CDK14: variants seen among roughly 807,000 people sequenced by gnomAD.
CDK14 encodes cyclin-dependent kinase 14.
CDK14 carries 34 observed loss-of-function variants against 60.7 expected under a neutral mutation model. The observed-to-expected ratio is 0.56, with a 90% confidence interval of 0.43 to 0.75. CDK14 has a LOEUF of 0.75. CDK14 is among the 30% of genes least tolerant of loss of function. The probability of loss-of-function intolerance (pLI) is 0.00; values close to 1 mark genes in which losing one functional copy is unlikely to be tolerated. For synonymous variants in CDK14, 197 were observed against 203.7 expected, an observed-to-expected ratio of 0.97 and a Z score of 0.28; for missense variants, 482 against 564.1, an observed-to-expected ratio of 0.85 and a Z score of 1.47.
chr7:91,145,931 T>C (rs1364751923), intron 14 of CDK14, among the ~76,000 whole-genome samples: 2 of 151,200 alleles, frequency 1.3e-5, no homozygotes, highest in Non-Finnish European at 2.9e-5. Context: ...TATTTATTTA[T>C]TTATTTATTT....
intron 7 of CDK14, among the ~76,000 whole-genome samples, chr7:90,905,323 G>A (rs1792660607): frequency 6.6e-6 from 1 of 152,114 alleles, no homozygotes; most frequent in South Asian, 2.1e-4. Context: ...ATTTGGTGTT[G>A]AATTAGTAGT....
intron 4 of CDK14, among the ~76,000 whole-genome samples, chr7:90,773,713 T>C (rs1423889323): frequency 6.6e-6 from 1 of 152,022 alleles, no homozygotes; most frequent in Non-Finnish European, 1.5e-5. Flanking sequence ...TTTAAATTTA[T>C]TGACTGTGTA....
chr7:90,714,341 C>T (rs767165024), intron 2 of CDK14, among the ~76,000 whole-genome samples: 19 of 152,128 alleles, frequency 1.2e-4, no homozygotes, highest in Admixed American at 4.6e-4. Context: ...GTTTGTTTTC[C>T]GGTGACAGAC....
At chr7:90,878,931 TG>T (rs1416622653) in intron 6 of CDK14, among the ~76,000 whole-genome samples, 1 of 152,180 alleles carries the variant, frequency 6.6e-6, no homozygotes, top group African/African-American at 2.4e-5. Flanking sequence ...GTATTGACAG[TG>T]AAGAAACAAA....
chr7:91,098,181 T>C (rs1377495887), intron 12 of CDK14, among the ~76,000 whole-genome samples: 3 of 152,212 alleles, frequency 2.0e-5, no homozygotes, highest in African/African-American at 7.2e-5. Context: ...AGATGCAATG[T>C]CATAAGATAA....
chr7:91,137,673 ACTT>A (rs948375555), intron 14 of CDK14, among the ~76,000 whole-genome samples: 137 of 101,818 alleles, frequency 1.3e-3, no homozygotes, highest in African/African-American at 7.7e-3. Flanking sequence ...TATGAGCTCT[ACTT>A]CTAAAGACTT....
intron 14 of CDK14, among the ~76,000 whole-genome samples, chr7:91,118,807 A>G (rs1584087645): frequency 1.3e-5 from 2 of 152,160 alleles, no homozygotes; most frequent in South Asian, 2.1e-4. Flanking sequence ...GGACCTTATC[A>G]TGATGAAGCT....
At chr7:91,062,535 T>G (rs989362342) in intron 11 of CDK14, among the ~76,000 whole-genome samples, 6 of 152,144 alleles carry the variant, frequency 3.9e-5, no homozygotes, top group African/African-American at 1.4e-4. Context: ...TTCGGCCATC[T>G]TGGCTCCACT....
At chr7:91,072,313 C>G (rs1295274070) in intron 11 of CDK14, among the ~76,000 whole-genome samples, 1 of 152,140 alleles carries the variant, frequency 6.6e-6, no homozygotes. Flanking sequence ...GAGGAAGGAG[C>G]AGGTACCCAT....
intron 8 of CDK14, among the ~76,000 whole-genome samples, chr7:90,947,452 A>G (rs1345759198): frequency 1.3e-5 from 2 of 152,194 alleles, no homozygotes; most frequent in Non-Finnish European, 2.9e-5. Context: ...TTCTCTAGGC[A>G]TTAGTTTTCT....
chr7:90,720,741 A>G (rs143426507), intron 2 of CDK14, among the ~76,000 whole-genome samples: 4 of 152,230 alleles, frequency 2.6e-5, no homozygotes, highest in African/African-American at 9.6e-5. Context: ...TTCTAGGGTT[A>G]TAGATCTACT....
chr7:90,966,319 T>C (rs1794749395), intron 9 of CDK14, among the ~76,000 whole-genome samples: 1 of 152,210 alleles, frequency 6.6e-6, no homozygotes, highest in South Asian at 2.1e-4. Context: ...TTTTTGGCTT[T>C]TCATTTACTT....
intron 2 of CDK14, among the ~76,000 whole-genome samples, chr7:90,637,327 A>G (rs1800178108): frequency 2.6e-5 from 4 of 151,808 alleles, no homozygotes; most frequent in African/African-American, 9.7e-5. Context: ...AGATTCTGGT[A>G]TGTTGTGTCT....
At chr7:90,867,447 T>G (rs1382645132) in intron 6 of CDK14, among the ~76,000 whole-genome samples, 1 of 152,128 alleles carries the variant, frequency 6.6e-6, no homozygotes, top group Non-Finnish European at 1.5e-5. Flanking sequence ...TCAGTGAAAA[T>G]AAGAATGCTG....
intron 11 of CDK14, among the ~76,000 whole-genome samples, chr7:91,071,288 CA>C (rs2116180111): frequency 6.6e-6 from 1 of 152,304 alleles, no homozygotes; most frequent in African/African-American, 2.4e-5. Flanking sequence ...AGGCTCTCAT[CA>C]AAAAGAACTA....
intron 2 of CDK14, among the ~76,000 whole-genome samples, chr7:90,675,649 G>A (rs537901262): frequency 3.3e-5 from 5 of 152,002 alleles, no homozygotes; most frequent in African/African-American, 4.8e-5. Context: ...TTAATAATTT[G>A]TTCTCTTTTC....
At chr7:90,791,150 G>A (rs1056701798) in intron 5 of CDK14, among the ~76,000 whole-genome samples, 3 of 152,014 alleles carry the variant, frequency 2.0e-5, no homozygotes, top group African/African-American at 7.2e-5. Flanking sequence ...CATTTATGTT[G>A]TGATATTTTC....
chr7:91,036,682 T>C (rs1279743120), intron 10 of CDK14, among the ~76,000 whole-genome samples: 4 of 152,196 alleles, frequency 2.6e-5, no homozygotes, highest in African/African-American at 7.2e-5. Flanking sequence ...TTTCCTAATA[T>C]TCTTTTTTTC....
At chr7:90,760,558 C>A (rs957554787) in intron 4 of CDK14, among the ~76,000 whole-genome samples, 1 of 152,138 alleles carries the variant, frequency 6.6e-6, no homozygotes, top group African/African-American at 2.4e-5. Flanking sequence ...AGGATGCTCC[C>A]GAGGCCCATG....
Sources: gnomAD v4.1 joint callset for allele counts (sites outside exome capture counted in the v4.1 genomes callset) on GRCh38, gnomAD v4.1.1 for gene constraint, MANE v1.5 for transcripts, NCBI Gene and HGNC (gene_info 2026-07-23, HGNC 2026-07-21) for gene names.